The following MAPK8 variants were observed in gnomAD, a reference collection of about 807,000 sequenced individuals.
MAPK8 encodes mitogen-activated protein kinase 8, also known as JUN N-terminal kinase.
Under a neutral mutation model 52.9 loss-of-function variants are expected in MAPK8, and 13 were observed. That is an observed-to-expected ratio of 0.25 (90% CI 0.16 to 0.39). The LOEUF is 0.39. MAPK8 is among the 10% of genes least tolerant of loss of function. The probability of loss-of-function intolerance (pLI) is 1.00; values close to 1 mark genes in which losing one functional copy is unlikely to be tolerated. For missense variants in MAPK8, 300 were observed against 519.2 expected (o/e 0.58, Z 4.10); for synonymous variants, 191 against 169.8 (o/e 1.12, Z -0.97).
chr10:48,359,921 T>C (rs998016115), intron 1 of MAPK8, among the ~76,000 whole-genome samples: 3 of 152,236 alleles, frequency 2.0e-5, no homozygotes, highest in Admixed American at 6.5e-5. Context: ...GTTTTGGAAC[T>C]CATCTTTGCC....
At chr10:48,366,934 T>C (rs1848107177) in intron 1 of MAPK8, among the ~76,000 whole-genome samples, 1 of 152,172 alleles carries the variant, frequency 6.6e-6, no homozygotes, top group South Asian at 2.1e-4. Flanking sequence ...CCAAATGTTA[T>C]TTCAATATTG....
At chr10:48,388,817 G>A (rs1276462000) in intron 1 of MAPK8, among the ~76,000 whole-genome samples, 1 of 152,112 alleles carries the variant, frequency 6.6e-6, no homozygotes, top group African/African-American at 2.4e-5. Context: ...GACCTAGGCT[G>A]GCTTACTCTT....
At chr10:48,400,549 C>G (rs776144471) in intron 1 of MAPK8, among the ~76,000 whole-genome samples, 3 of 152,194 alleles carry the variant, frequency 2.0e-5, no homozygotes, top group African/African-American at 4.8e-5. Flanking sequence ...TTCTCATGCT[C>G]TCTCCAGTGG....
intron 1 of MAPK8, among the ~76,000 whole-genome samples, chr10:48,335,176 C>T (rs1194836136): frequency 6.6e-6 from 1 of 152,178 alleles, no homozygotes; most frequent in East Asian, 1.9e-4. Context: ...AATGTTTTCT[C>T]ACACAATGGC....
At position 48,438,915 on chromosome 10, in the gene MAPK8, T is replaced by G. The variant is rs954618812; in HGVS notation, c.*3886T>G. ...AAAAGGAGTAAATCTTAGTAAAAAT[T>G]TTACGAAGAAATAAATTACTTTTGT... is the stretch of plus-strand genomic sequence containing the variant. On this transcript the variant is annotated 3_prime_UTR_variant, in exon 12 of 12. Coordinates refer to ENST00000374189, the MANE Select transcript of MAPK8 (RefSeq NM_001323329.2). 4 of 152,202 alleles carry G rather than the reference T, an allele frequency of 2.6e-5. No individual in the cohort carries two copies. Among genetic ancestry groups the G allele is most frequent in the African/African-American group, 4.8e-5 (2 of 41,456 alleles). 9.4% of individuals were successfully genotyped at this position (152,202 alleles called of 1,614,324 possible).
intron 1 of MAPK8, among the ~76,000 whole-genome samples, chr10:48,385,261 A>G (rs992382291): frequency 2.0e-5 from 3 of 152,194 alleles, no homozygotes; most frequent in Non-Finnish European, 4.4e-5. Context: ...CTCGAATTCC[A>G]TAGAGCAAAA....
At chr10:48,372,677 A>G (rs891046144) in intron 1 of MAPK8, among the ~76,000 whole-genome samples, 1 of 149,618 alleles carries the variant, frequency 6.7e-6, no homozygotes, top group Non-Finnish European at 1.5e-5. Flanking sequence ...ATTAGAGAGA[A>G]AAAAAAAAAG....
intron 1 of MAPK8, among the ~76,000 whole-genome samples, chr10:48,336,186 TTATCAG>T (rs1844667476): frequency 6.6e-6 from 1 of 152,104 alleles, no homozygotes; most frequent in African/African-American, 2.4e-5. Context: ...GAACCACAGA[TTATCAG>T]TATGTGGAGT....
chr10:48,410,925 C>G (rs546981399), intron 5 of MAPK8, among the ~76,000 whole-genome samples: 1 of 152,248 alleles, frequency 6.6e-6, no homozygotes, highest in South Asian at 2.1e-4. Context: ...TGTGTATCTT[C>G]TTTGGAGAAA....
At chr10:48,401,908 A>G in intron 2 of MAPK8, 126 bp downstream of exon 2, 1 of 718,174 alleles carries the variant, frequency 1.4e-6, no homozygotes, top group Non-Finnish European at 2.0e-6. Flanking sequence ...TAAAAATTAA[A>G]CGAAAACTAT....
intron 1 of MAPK8, among the ~76,000 whole-genome samples, chr10:48,351,272 AT>A (rs66660207): frequency 3.6e-4 from 47 of 129,500 alleles, no homozygotes; most frequent in South Asian, 7.3e-4. Context: ...ATAACTTTGA[AT>A]TTTTTTTTTT....
At chr10:48,403,411 T>G (rs2042260520) in intron 2 of MAPK8, among the ~76,000 whole-genome samples, 1 of 150,370 alleles carries the variant, frequency 6.7e-6, no homozygotes. Flanking sequence ...TGAGCTGAGA[T>G]GGTGTCACTG....
At chr10:48,341,750 A>G (rs1845287489) in intron 1 of MAPK8, among the ~76,000 whole-genome samples, 1 of 152,252 alleles carries the variant, frequency 6.6e-6, no homozygotes, top group Non-Finnish European at 1.5e-5. Context: ...GAAAGAGAAG[A>G]ACATGGTGCC....
At chr10:48,389,098 A>T (rs1266789944) in intron 1 of MAPK8, among the ~76,000 whole-genome samples, 1 of 152,150 alleles carries the variant, frequency 6.6e-6, no homozygotes, top group Non-Finnish European at 1.5e-5. Flanking sequence ...TTAGTGCAGG[A>T]CATAGTGGTA....
intron 1 of MAPK8, among the ~76,000 whole-genome samples, chr10:48,392,821 T>C (rs1020616018): frequency 1.3e-5 from 2 of 152,166 alleles, no homozygotes; most frequent in Non-Finnish European, 2.9e-5. Context: ...ATCTTTGGTC[T>C]TCTTTGTTAA....
chr10:48,413,925 T>C (rs2042921336), intron 5 of MAPK8, among the ~76,000 whole-genome samples: 1 of 147,488 alleles, frequency 6.8e-6, no homozygotes. Flanking sequence ...ATAATTTACA[T>C]GCCATACAAT....
intron 1 of MAPK8, among the ~76,000 whole-genome samples, chr10:48,378,006 G>A (rs1208559729): frequency 6.6e-6 from 1 of 152,108 alleles, no homozygotes; most frequent in African/African-American, 2.4e-5. Flanking sequence ...GGAGAATGAG[G>A]CATGACTGCT....
chr10:48,381,636 A>T (rs2041011882), intron 1 of MAPK8, among the ~76,000 whole-genome samples: 1 of 152,206 alleles, frequency 6.6e-6, no homozygotes, highest in Non-Finnish European at 1.5e-5. Flanking sequence ...TTATTAACAG[A>T]TCTAAAGATT....
chr10:48,322,049 G>A (rs1002552321), intron 1 of MAPK8, among the ~76,000 whole-genome samples: 1 of 152,212 alleles, frequency 6.6e-6, no homozygotes, highest in South Asian at 2.1e-4. Flanking sequence ...ACTTAGTGGA[G>A]TATGTTCCCT....
Sources: gnomAD v4.1 joint callset for allele counts (sites outside exome capture counted in the v4.1 genomes callset) on GRCh38, gnomAD v4.1.1 for gene constraint, MANE v1.5 for transcripts, NCBI Gene and HGNC (gene_info 2026-07-23, HGNC 2026-07-21) for gene names.